CDH13: variants seen among roughly 807,000 people sequenced by gnomAD.
CDH13 encodes the protein cadherin 13, also known as cadherin-13.
CDH13 carries 24 observed loss-of-function variants against 63.8 expected under a neutral mutation model. The ratio of observed to expected loss-of-function variants is 0.38; its 90% CI spans 0.27 to 0.53. CDH13 has a LOEUF of 0.53. Ranked by LOEUF, CDH13 falls within the 20% of genes least tolerant of loss-of-function variation. The pLI is 0.85. For synonymous variants in CDH13, 503 were observed against 355.3 expected (o/e 1.42, Z -4.67); for missense variants, 1,049 against 903.1 (o/e 1.16, Z -2.07).
chr16:83,576,090 T>C (rs1905068526), intron 7 of CDH13, among the ~76,000 whole-genome samples: 1 of 152,196 alleles, frequency 6.6e-6, no homozygotes, highest in Admixed American at 6.5e-5. Flanking sequence ...ATCCACCACC[T>C]CCAGCTGGTC....
chr16:83,202,283 C>T (rs1344421676), intron 4 of CDH13, among the ~76,000 whole-genome samples: 3 of 152,228 alleles, frequency 2.0e-5, no homozygotes, highest in East Asian at 1.9e-4. Flanking sequence ...TTGGGGAAAA[C>T]GGCTGCAAAA....
At chr16:83,395,591 T>C (rs920600388) in intron 6 of CDH13, among the ~76,000 whole-genome samples, 4 of 152,116 alleles carry the variant, frequency 2.6e-5, no homozygotes, top group African/African-American at 4.8e-5. Flanking sequence ...AGGGTTGACA[T>C]TGAAGTGTTG....
intron 1 of CDH13, among the ~76,000 whole-genome samples, chr16:82,817,391 G>A (rs971256274): frequency 6.6e-6 from 1 of 152,118 alleles, no homozygotes; most frequent in Non-Finnish European, 1.5e-5. Flanking sequence ...AAGCCCAGTG[G>A]AATGTGTACT....
chr16:83,068,947 A>G (rs1018677937), intron 3 of CDH13, among the ~76,000 whole-genome samples: 1 of 152,138 alleles, frequency 6.6e-6, no homozygotes, highest in African/African-American at 2.4e-5. Context: ...TGTTTTCACT[A>G]TGAAGGTTTA....
intron 1 of CDH13, among the ~76,000 whole-genome samples, chr16:82,818,719 C>T (rs2037849796): frequency 1.3e-5 from 2 of 152,180 alleles, no homozygotes; most frequent in Admixed American, 6.5e-5. Context: ...CGGTGCCTCA[C>T]ATCTGGCCAC....
At chr16:83,792,173 G>T (rs755714459) in intron 13 of CDH13, among the ~76,000 whole-genome samples, 1 of 152,238 alleles carries the variant, frequency 6.6e-6, no homozygotes, top group Non-Finnish European at 1.5e-5. Context: ...GGCTGTCTTC[G>T]GCCTGCAGAC....
chr16:82,873,350 C>G (rs1027750046), intron 2 of CDH13, among the ~76,000 whole-genome samples: 1 of 152,180 alleles, frequency 6.6e-6, no homozygotes, highest in Non-Finnish European at 1.5e-5. Context: ...CAAGATCTCA[C>G]TAAAAAGTGT....
At chr16:82,879,303 G>T (rs1327158648) in intron 2 of CDH13, among the ~76,000 whole-genome samples, 1 of 151,778 alleles carries the variant, frequency 6.6e-6, no homozygotes, top group Non-Finnish European at 1.5e-5. Context: ...AACACTGAAG[G>T]AAAATCTGAG....
At chr16:82,758,332 T>C (rs2034698664) in intron 1 of CDH13, among the ~76,000 whole-genome samples, 1 of 152,120 alleles carries the variant, frequency 6.6e-6, no homozygotes, top group South Asian at 2.1e-4. Flanking sequence ...CTCCTGGAAA[T>C]GGGAAGTTGA....
At chr16:83,534,377 G>A (rs1007291062) in intron 7 of CDH13, among the ~76,000 whole-genome samples, 2 of 152,050 alleles carry the variant, frequency 1.3e-5, no homozygotes, top group South Asian at 2.1e-4. Context: ...TTCTACAAAG[G>A]GAAAATGCTG....
intron 4 of CDH13, among the ~76,000 whole-genome samples, chr16:83,140,264 C>T (rs1453135945): frequency 6.6e-6 from 1 of 152,158 alleles, no homozygotes; most frequent in Non-Finnish European, 1.5e-5. Context: ...CCTATTCCTA[C>T]ACATGACCAT....
intron 10 of CDH13, among the ~76,000 whole-genome samples, chr16:83,744,172 C>T (rs188114073): frequency 3.4e-4 from 52 of 152,254 alleles, no homozygotes; most frequent in Middle Eastern, 3.4e-3. Flanking sequence ...TTTTACCTAT[C>T]CTGACACCAA....
intron 4 of CDH13, among the ~76,000 whole-genome samples, chr16:83,165,228 G>C (rs924237475): frequency 4.6e-5 from 7 of 152,104 alleles, no homozygotes; most frequent in East Asian, 1.9e-4. Context: ...TCTCAGTAGA[G>C]TATACCCCTA....
chr16:83,494,179 A>G (rs965668750), intron 7 of CDH13, among the ~76,000 whole-genome samples: 1 of 152,188 alleles, frequency 6.6e-6, no homozygotes, highest in Admixed American at 6.5e-5. Context: ...GATAATTTGC[A>G]GAGTGATGAT....
Position 83,337,621 on chromosome 16 carries a change from A to ATTTTTTT in CDH13, c.637-7218_637-7212dup, listed in dbSNP as rs66957563. On this transcript the variant is annotated intron_variant, in intron 5 of 13. Coordinates refer to ENST00000567109, the MANE Select transcript of CDH13 (RefSeq NM_001257.5). The stretch of plus-strand genomic sequence containing the variant: ...ATTTGAGAATTAAATTGACAAGCGT[A>ATTTTTTT]TTTTTTTTTTTTTTTTTTTTTTTTT... Among the ~76,000 whole-genome samples the ATTTTTTT allele has an allele frequency of 6.1e-4, 32 of 52,282 alleles. 3 individuals are homozygous for ATTTTTTT. Among genetic ancestry groups the ATTTTTTT allele is most frequent in the African/African-American group, 9.0e-4 (11 of 12,164 alleles). 34.3% of individuals were successfully genotyped at this position (52,282 alleles called of 152,430 possible). A position where few individuals can be genotyped will look rare whatever the true frequency, so the allele number is the denominator to read the frequency against.
At chr16:83,091,339 C>G (rs2033898054) in intron 3 of CDH13, among the ~76,000 whole-genome samples, 1 of 151,938 alleles carries the variant, frequency 6.6e-6, no homozygotes, top group South Asian at 2.1e-4. Flanking sequence ...AGGGTAAATT[C>G]TCAGTCAGTA....
chr16:83,523,548 T>G (rs112230130), intron 7 of CDH13, among the ~76,000 whole-genome samples: 6 of 152,186 alleles, frequency 3.9e-5, no homozygotes, highest in Non-Finnish European at 8.8e-5. Context: ...ACACCAGGAC[T>G]CTCTGCCACG....
intron 8 of CDH13, among the ~76,000 whole-genome samples, chr16:83,666,533 C>A (rs995237875): frequency 6.6e-6 from 1 of 152,238 alleles, no homozygotes; most frequent in Non-Finnish European, 1.5e-5. Flanking sequence ...ATCCCAAATG[C>A]CTTCCCATGG....
chr16:83,153,374 A>C (rs908634701), intron 4 of CDH13, among the ~76,000 whole-genome samples: 4 of 151,956 alleles, frequency 2.6e-5, no homozygotes, highest in African/African-American at 9.7e-5. Context: ...CACCTCAAAC[A>C]ATGACCTTAG....
Sources: gnomAD v4.1 joint callset for allele counts (sites outside exome capture counted in the v4.1 genomes callset) on GRCh38, gnomAD v4.1.1 for gene constraint, MANE v1.5 for transcripts, NCBI Gene and HGNC (gene_info 2026-07-23, HGNC 2026-07-21) for gene names.